PCSK5: variants seen among roughly 807,000 people sequenced by gnomAD.
The protein encoded by PCSK5 is proprotein convertase subtilisin/kexin type 5.
In PCSK5, 129 loss-of-function variants were observed where a neutral mutation model predicts 233.2. The observed-to-expected ratio is 0.55, with a 90% CI of 0.48 to 0.64. PCSK5 has a LOEUF of 0.64. Ranked by LOEUF, PCSK5 falls within the 30% of genes least tolerant of loss-of-function variation. PCSK5 has a pLI of 0.00. For missense variants in PCSK5, 2,076 were observed against 2,430.1 expected (o/e 0.85, Z 3.06); for synonymous variants, 825 against 879.2 (o/e 0.94, Z 1.09).
At chr9:75,895,063 G>A (rs1564065907) in intron 1 of PCSK5, among the ~76,000 whole-genome samples, 1 of 152,122 alleles carries the variant, frequency 6.6e-6, no homozygotes, top group South Asian at 2.1e-4. Context: ...CAGTAGCAAA[G>A]CCCCTTCCCC....
chr9:75,962,527 G>A (rs1825399194), intron 2 of PCSK5, among the ~76,000 whole-genome samples: 1 of 152,184 alleles, frequency 6.6e-6, no homozygotes, highest in Non-Finnish European at 1.5e-5. Context: ...TGACAACTGG[G>A]TATTTGCAGG....
At chr9:75,989,495 TA>T (rs72388137) in intron 3 of PCSK5, among the ~76,000 whole-genome samples, 80,902 of 145,284 alleles carry the variant, frequency 0.56, 22,945 homozygotes, top group East Asian at 0.69. Context: ...CCCCCTCAAA[TA>T]AAAAAAAAAA....
intron 14 of PCSK5, among the ~76,000 whole-genome samples, chr9:76,176,365 T>C (rs948612857): frequency 4.6e-5 from 7 of 152,226 alleles, no homozygotes; most frequent in African/African-American, 7.2e-5. Flanking sequence ...ATCAATCTAA[T>C]AATTCTCAAA....
At chr9:75,894,325 G>T (rs559864152) in intron 1 of PCSK5, among the ~76,000 whole-genome samples, 1 of 152,040 alleles carries the variant, frequency 6.6e-6, no homozygotes, top group Non-Finnish European at 1.5e-5. Context: ...TGAAAGTCAC[G>T]AGAGGTAAGA....
rs764002288 is a variant in PCSK5 at position 76,193,272 on chromosome 9, A to G, written c.2626+3526A>G. On this transcript the variant is annotated intron_variant, in intron 20 of 37. Coordinates refer to ENST00000674117, the MANE Select transcript of PCSK5 (RefSeq NM_001372043.1). Reference sequence around the variant, plus strand: ...GTCCTGGGCGGAAGGAGGCTTCTGTATGCTTGTGAAAAAGAACAATCTGTG... The same window carrying G: ...GTCCTGGGCGGAAGGAGGCTTCTGTGTGCTTGTGAAAAAGAACAATCTGTG... 3 of 1,613,616 alleles carry G rather than the reference A, an allele frequency of 1.9e-6. No homozygotes were observed. The Admixed American group carries it at 5.0e-5, about 27-fold the overall frequency.
intron 1 of PCSK5, among the ~76,000 whole-genome samples, chr9:75,929,880 T>C (rs1239180062): frequency 6.8e-6 from 1 of 147,860 alleles, no homozygotes; most frequent in African/African-American, 2.5e-5. Context: ...TTTTTTTTTT[T>C]AAGACAGAGT....
At chr9:76,190,289 ACTC>A (rs1824308222) in intron 20 of PCSK5, among the ~76,000 whole-genome samples, 1 of 148,950 alleles carries the variant, frequency 6.7e-6, no homozygotes, top group African/African-American at 2.5e-5. Context: ...CTGCCCTGAA[ACTC>A]CTCTGTGAAT....
intron 9 of PCSK5, among the ~76,000 whole-genome samples, chr9:76,122,122 C>T (rs200399182): frequency 9.2e-5 from 4 of 43,648 alleles, no homozygotes; most frequent in Admixed American, 2.8e-4. Flanking sequence ...CGCGCCCGGC[C>T]TTGGTTTTTA....
At chr9:76,041,840 AGG>A (rs199676555) in intron 5 of PCSK5, among the ~76,000 whole-genome samples, 5 of 117,350 alleles carry the variant, frequency 4.3e-5, no homozygotes, top group African/African-American at 2.2e-4. Context: ...CTCTGTCTCA[AGG>A]GAAAAAAAAA....
At chr9:76,282,814 A>G (rs1318703896) in intron 24 of PCSK5, among the ~76,000 whole-genome samples, 1 of 152,114 alleles carries the variant, frequency 6.6e-6, no homozygotes, top group Admixed American at 6.6e-5. Flanking sequence ...TCTCGTCTTC[A>G]TGTCCATGGG....
At chr9:75,926,623 A>G (rs776708792) in intron 1 of PCSK5, among the ~76,000 whole-genome samples, 34 of 152,114 alleles carry the variant, frequency 2.2e-4, no homozygotes, top group Admixed American at 4.6e-4. Flanking sequence ...CCAGGCTATC[A>G]CTGATCTGTT....
chr9:75,921,584 G>A (rs200603820), intron 1 of PCSK5, among the ~76,000 whole-genome samples: 7 of 122,012 alleles, frequency 5.7e-5, no homozygotes, highest in African/African-American at 2.8e-4. Flanking sequence ...GTGTGTGTAT[G>A]TGTGTGTGTG....
intron 24 of PCSK5, among the ~76,000 whole-genome samples, chr9:76,256,774 G>A (rs1219531022): frequency 6.6e-6 from 1 of 152,186 alleles, no homozygotes; most frequent in South Asian, 2.1e-4. Context: ...TAGTTTTGCA[G>A]GAGTGTGGAA....
At chr9:75,895,364 A>G (rs1825763091) in intron 1 of PCSK5, among the ~76,000 whole-genome samples, 1 of 152,222 alleles carries the variant, frequency 6.6e-6, no homozygotes, top group Admixed American at 6.5e-5. Flanking sequence ...CTGAGGAGAA[A>G]GGTCAAAATA....
intron 20 of PCSK5, among the ~76,000 whole-genome samples, chr9:76,190,116 G>C (rs1564094468): frequency 6.6e-6 from 1 of 152,100 alleles, no homozygotes; most frequent in East Asian, 1.9e-4. Flanking sequence ...TCAAGCACTA[G>C]AGGAATACAT....
chr9:76,101,562 G>A (rs151076599), intron 8 of PCSK5, among the ~76,000 whole-genome samples: 106 of 151,954 alleles, frequency 7.0e-4, no homozygotes, highest in Middle Eastern at 6.8e-3. Context: ...CTTTCTTTTG[G>A]GACTTTGTTC....
Position 76,075,666 on chromosome 9 carries a change from G to T in PCSK5, c.894+3768G>T, listed in dbSNP as rs1830620279. 2.0e-5 allele frequency among the ~76,000 whole-genome samples: 3 copies of T among 152,106 alleles called. No homozygotes were observed. In the South Asian group the frequency reaches 6.2e-4, roughly 32 times the overall value. On this transcript the variant is annotated intron_variant, in intron 7 of 37. Coordinates refer to ENST00000674117, the MANE Select transcript of PCSK5 (RefSeq NM_001372043.1). ...ATATTAGATTATAGGGTACAACAAAGAAATAAATGTGATTTATTGGCTTAA... is the reference window on the plus strand; with the variant it reads ...ATATTAGATTATAGGGTACAACAAATAAATAAATGTGATTTATTGGCTTAA...
intron 4 of PCSK5, among the ~76,000 whole-genome samples, chr9:76,026,337 A>T (rs1272480459): frequency 6.6e-6 from 1 of 152,182 alleles, no homozygotes; most frequent in Non-Finnish European, 1.5e-5. Flanking sequence ...TCCAAAAGCC[A>T]ATGGTTATTA....
At chr9:76,292,209 C>G in intron 24 of PCSK5, 24 bp from the exon 25 acceptor site, 1 of 1,434,338 alleles carries the variant, frequency 7.0e-7, no homozygotes, top group Non-Finnish European at 9.8e-7. Flanking sequence ...ATGATTATTA[C>G]TTTTTATTAT....
Sources: gnomAD v4.1 joint callset for allele counts (sites outside exome capture counted in the v4.1 genomes callset) on GRCh38, gnomAD v4.1.1 for gene constraint, MANE v1.5 for transcripts, NCBI Gene and HGNC (gene_info 2026-07-23, HGNC 2026-07-21) for gene names.